CFDP1: variants seen among roughly 807,000 people sequenced by gnomAD.
The protein encoded by CFDP1 is heterochromatin-stabilizing protein CFDP1.
CFDP1 carries 31 observed loss-of-function variants against 40.1 expected under a neutral mutation model. That is an observed-to-expected ratio of 0.77 (90% CI 0.58 to 1.04). CFDP1 has a LOEUF of 1.04. Ranked by LOEUF, CFDP1 falls within the 50% of genes least tolerant of loss-of-function variation. The pLI is 0.00. For missense variants in CFDP1, 423 were observed against 343.4 expected (o/e 1.23, Z -1.83); for synonymous variants, 167 against 120.0 (o/e 1.39, Z -2.56).
intron 5 of CFDP1, among the ~76,000 whole-genome samples, chr16:75,338,096 C>T (rs1054099430): frequency 6.6e-6 from 1 of 152,214 alleles, no homozygotes; most frequent in Non-Finnish European, 1.5e-5. Flanking sequence ...CTGTTCATTT[C>T]CTCTTACCCT....
At chr16:75,358,871 T>C (rs547333351) in intron 5 of CFDP1, among the ~76,000 whole-genome samples, 6 of 152,232 alleles carry the variant, frequency 3.9e-5, no homozygotes, top group South Asian at 4.2e-4. Context: ...TATTAATGAA[T>C]GTGACTTGTT....
At chr16:75,348,703 T>TGTTGC (rs1567653147) in intron 5 of CFDP1, among the ~76,000 whole-genome samples, 1 of 152,232 alleles carries the variant, frequency 6.6e-6, no homozygotes, top group Non-Finnish European at 1.5e-5. Context: ...ATCATGTCTG[T>TGTTGC]GTTGCCATAT....
At chr16:75,303,400 A>T (rs868864107) in intron 6 of CFDP1, among the ~76,000 whole-genome samples, 2,477 of 146,098 alleles carry the variant, frequency 0.017, 63 homozygotes, top group African/African-American at 0.058. Context: ...TAAATAAATA[A>T]ATGTATGTAT....
intron 5 of CFDP1, among the ~76,000 whole-genome samples, chr16:75,313,572 C>G (rs1031934418): frequency 1.3e-5 from 2 of 152,186 alleles, no homozygotes; most frequent in African/African-American, 4.8e-5. Flanking sequence ...CTCAAGTGAT[C>G]TGCCCGCCTG....
chr16:75,316,237 A>G (rs185980928), intron 5 of CFDP1, among the ~76,000 whole-genome samples: 1 of 152,302 alleles, frequency 6.6e-6, no homozygotes, highest in Admixed American at 6.5e-5. Context: ...CAGAACTCTC[A>G]CTTGTAAAGG....
intron 5 of CFDP1, among the ~76,000 whole-genome samples, chr16:75,381,448 T>C (rs1244038058): frequency 1.3e-5 from 2 of 152,030 alleles, no homozygotes; most frequent in Non-Finnish European, 2.9e-5. Context: ...ACTCATTGGA[T>C]TGGGCAGTTA....
chr16:75,335,427 ACT>A (rs2078479789), intron 5 of CFDP1, among the ~76,000 whole-genome samples: 1 of 152,020 alleles, frequency 6.6e-6, no homozygotes, highest in Non-Finnish European at 1.5e-5. Flanking sequence ...CAAGGCAACC[ACT>A]GTTACCAGTT....
At chr16:75,429,808 C>A (rs181109628) in intron 1 of CFDP1, among the ~76,000 whole-genome samples, 1 of 152,224 alleles carries the variant, frequency 6.6e-6, no homozygotes, top group Admixed American at 6.5e-5. Flanking sequence ...AGTTTAGAGT[C>A]AAATTAGCAG....
chr16:75,388,964 A>C (rs1472912712), intron 5 of CFDP1, among the ~76,000 whole-genome samples: 1 of 152,084 alleles, frequency 6.6e-6, no homozygotes, highest in Non-Finnish European at 1.5e-5. Flanking sequence ...AACAAGGCTA[A>C]AACTACATGG....
intron 5 of CFDP1, among the ~76,000 whole-genome samples, chr16:75,335,794 G>A (rs921820861): frequency 6.6e-6 from 1 of 152,038 alleles, no homozygotes; most frequent in African/African-American, 2.4e-5. Flanking sequence ...CTGACCTTGT[G>A]ATCCGCCCGC....
intron 5 of CFDP1, among the ~76,000 whole-genome samples, chr16:75,372,898 T>A (rs933751285): frequency 6.6e-6 from 1 of 152,182 alleles, no homozygotes; most frequent in Non-Finnish European, 1.5e-5. Context: ...ATATTTTAGT[T>A]CCAAAATTCT....
chr16:75,408,409 G>A (rs1275858291), intron 4 of CFDP1, among the ~76,000 whole-genome samples: 1 of 152,066 alleles, frequency 6.6e-6, no homozygotes, highest in Non-Finnish European at 1.5e-5. Flanking sequence ...CCCCCAGGAG[G>A]AGTACAGTCA....
chr16:75,385,948 A>C (rs1597372524), intron 5 of CFDP1, among the ~76,000 whole-genome samples: 1 of 152,282 alleles, frequency 6.6e-6, no homozygotes, highest in Non-Finnish European at 1.5e-5. Context: ...CTACACATCC[A>C]AGAAGCACCT....
intron 5 of CFDP1, among the ~76,000 whole-genome samples, chr16:75,316,925 G>A (rs1277801655): frequency 6.6e-6 from 1 of 151,468 alleles, no homozygotes; most frequent in Non-Finnish European, 1.5e-5. Flanking sequence ...AGGTTGTGGT[G>A]AGGCGAGATC....
Position 75,395,195 on chromosome 16 carries a change from A to G in CFDP1, c.545T>C (p.Val182Ala), listed in dbSNP as rs767882711. The G allele has an allele frequency of 3.1e-6, 5 of 1,613,616 alleles. No homozygotes were observed. Among genetic ancestry groups the G allele is most frequent in the Non-Finnish European group, 4.2e-6 (5 of 1,179,710 alleles). Reference protein sequence around the residue: ...AGEEVRVTKEVDATSKEAKSF... With the variant: ...AGEEVRVTKEADATSKEAKSF... Reference sequence around the variant, plus strand: ...TTTGGCCTCTTTAGATGTAGCATCCACTTCCTTAGTTACCCTGTGCCAAGG... The same window carrying G: ...TTTGGCCTCTTTAGATGTAGCATCCGCTTCCTTAGTTACCCTGTGCCAAGG... Residue 182 changes from valine to alanine, a missense_variant, in exon 5 of 7, where the codon GTG becomes GCG. Val to Ala is a moderately conservative substitution (Grantham distance 64, BLOSUM62 0). Coordinates refer to ENST00000283882, the MANE Select transcript of CFDP1 (RefSeq NM_006324.3).
At chr16:75,362,880 T>C (rs997893776) in intron 5 of CFDP1, 1 of 152,168 alleles carries the variant, frequency 6.6e-6, no homozygotes, top group African/African-American at 2.4e-5. Context: ...CAGACCTCAA[T>C]GGCTGCAGCA....
chr16:75,383,571 A>G (rs990742419), intron 5 of CFDP1, among the ~76,000 whole-genome samples: 1 of 152,194 alleles, frequency 6.6e-6, no homozygotes, highest in African/African-American at 2.4e-5. Flanking sequence ...CTGTAATCCC[A>G]GCACTTTGGG....
At chr16:75,354,299 C>T (rs1410981051) in intron 5 of CFDP1, among the ~76,000 whole-genome samples, 1 of 152,146 alleles carries the variant, frequency 6.6e-6, no homozygotes. Flanking sequence ...TGTCAAGGAA[C>T]ATGTGTAGTA....
chr16:75,383,739 G>C (rs1029295043), intron 5 of CFDP1, among the ~76,000 whole-genome samples: 1 of 150,338 alleles, frequency 6.7e-6, no homozygotes, highest in African/African-American at 2.5e-5. Flanking sequence ...GAATTGCTTG[G>C]ACCTGGGAGG....
Sources: gnomAD v4.1 joint callset for allele counts (sites outside exome capture counted in the v4.1 genomes callset) on GRCh38, gnomAD v4.1.1 for gene constraint, MANE v1.5 for transcripts, NCBI Gene and HGNC (gene_info 2026-07-23, HGNC 2026-07-21) for gene names.